ZNF423: variants seen among roughly 807,000 people sequenced by gnomAD.
ZNF423 encodes zinc finger protein 423.
Under a neutral mutation model 95.8 loss-of-function variants are expected in ZNF423, and 12 were observed. The ratio of observed to expected loss-of-function variants is 0.13; its 90% confidence interval spans 0.08 to 0.20. The LOEUF (loss-of-function observed/expected upper bound fraction) is 0.20, where lower values mean the gene tolerates loss of function less well. Among genes scored for constraint, ZNF423 ranks in the 10% least tolerant of loss-of-function variants. ZNF423 has a pLI of 1.00. For missense variants in ZNF423, 1,316 were observed against 1,737.1 expected (o/e 0.76, Z 4.31); for synonymous variants, 749 against 711.9 (o/e 1.05, Z -0.83).
intron 7 of ZNF423, among the ~76,000 whole-genome samples, chr16:49,520,487 A>C (rs767083948): frequency 1.3e-5 from 2 of 152,204 alleles, no homozygotes; most frequent in Non-Finnish European, 2.9e-5. Context: ...TCTACCTCCT[A>C]AACTTCTATT....
At chr16:49,829,746 G>A (rs1054119389) in intron 1 of ZNF423, among the ~76,000 whole-genome samples, 1 of 152,162 alleles carries the variant, frequency 6.6e-6, no homozygotes, top group Non-Finnish European at 1.5e-5. Context: ...TCAGCTCCAT[G>A]GGCTCATGGA....
At chr16:49,620,163 CACACACACACA>C (rs972530322) in intron 5 of ZNF423, among the ~76,000 whole-genome samples, 37 of 140,532 alleles carry the variant, frequency 2.6e-4, no homozygotes, top group Non-Finnish European at 4.3e-4. Flanking sequence ...ACACACACAC[CACACACACACA>C]ACACACACAT....
chr16:49,674,568 C>T (rs1250556190), intron 3 of ZNF423, among the ~76,000 whole-genome samples: 1 of 152,162 alleles, frequency 6.6e-6, no homozygotes, highest in Admixed American at 6.5e-5. Flanking sequence ...CCCCCTGCAC[C>T]ACCAGGCGGA....
At chr16:49,641,241 A>G (rs1972965781) in intron 3 of ZNF423, among the ~76,000 whole-genome samples, 1 of 152,216 alleles carries the variant, frequency 6.6e-6, no homozygotes, top group African/African-American at 2.4e-5. Context: ...AGGACTGTCC[A>G]CATTCAGGCC....
At chr16:49,572,372 A>G (rs1390971982) in intron 5 of ZNF423, among the ~76,000 whole-genome samples, 3 of 152,208 alleles carry the variant, frequency 2.0e-5, no homozygotes, top group African/African-American at 7.2e-5. Flanking sequence ...AGTGAGGCAC[A>G]TGAGGTGAAG....
chr16:49,824,164 A>G (rs1024157592), intron 1 of ZNF423, among the ~76,000 whole-genome samples: 1 of 152,164 alleles, frequency 6.6e-6, no homozygotes, highest in Non-Finnish European at 1.5e-5. Flanking sequence ...GAATGTCCCA[A>G]AATAAATTAT....
At chr16:49,809,368 T>A (rs2034715745) in intron 1 of ZNF423, among the ~76,000 whole-genome samples, 1 of 152,128 alleles carries the variant, frequency 6.6e-6, no homozygotes, top group South Asian at 2.1e-4. Context: ...TAGGCTGCAG[T>A]GGTCCCATGC....
At chr16:49,602,217 C>T (rs543415545) in intron 5 of ZNF423, among the ~76,000 whole-genome samples, 9 of 152,364 alleles carry the variant, frequency 5.9e-5, no homozygotes, top group African/African-American at 2.2e-4. Context: ...CCAGGAAGGC[C>T]TCCTGACTTC....
At chr16:49,745,522 G>A (rs776262212) in intron 2 of ZNF423, among the ~76,000 whole-genome samples, 11 of 152,184 alleles carry the variant, frequency 7.2e-5, no homozygotes, top group Non-Finnish European at 1.5e-4. Context: ...CCTCATCAAG[G>A]GTCAAATTAA....
intron 1 of ZNF423, among the ~76,000 whole-genome samples, chr16:49,837,946 C>G (rs904101174): frequency 6.6e-6 from 1 of 152,198 alleles, no homozygotes; most frequent in Admixed American, 6.5e-5. Flanking sequence ...AATTACAATC[C>G]GGGGAGCTGC....
intron 5 of ZNF423, among the ~76,000 whole-genome samples, chr16:49,532,928 G>A (rs372643629): frequency 4.6e-5 from 7 of 152,192 alleles, no homozygotes; most frequent in Admixed American, 6.5e-5. Flanking sequence ...CCCATGGCAG[G>A]AGAAAGGGGG....
chr16:49,607,167 T>C (rs2151839037), intron 5 of ZNF423, among the ~76,000 whole-genome samples: 1 of 151,776 alleles, frequency 6.6e-6, no homozygotes, highest in South Asian at 2.1e-4. Flanking sequence ...TTGTTTTTCC[T>C]TTAAGGAAGC....
At chr16:49,522,771 G>A (rs934370215) in intron 7 of ZNF423, among the ~76,000 whole-genome samples, 10 of 152,134 alleles carry the variant, frequency 6.6e-5, no homozygotes, top group South Asian at 2.1e-4. Context: ...AACTGTGTGC[G>A]TGCACCTTCC....
At position 49,490,521 on chromosome 16, in the gene ZNF423, A is replaced by AC. The variant is rs1322165600; in HGVS notation, c.*753_*754insG. 3 of 152,482 alleles carry AC rather than the reference A, an allele frequency of 2.0e-5. No individual in the cohort carries two copies. The highest frequency in any genetic ancestry group is 1.3e-4 in the Admixed American group (2 of 15,288). 9.4% of individuals were successfully genotyped at this position (152,482 alleles called of 1,614,324 possible). On this transcript the variant is annotated 3_prime_UTR_variant, in exon 8 of 8. Transcript: ENST00000563137. ...CCAAGGGCGTGTGCAAGCCCACAGG[A>AC]ACTTGTAGGGGAACACACCTTACAG...
At position 49,603,385 on chromosome 16, in the gene ZNF423, G is replaced by A. The variant is rs1313602476; in HGVS notation, c.3601+22785C>T. On this transcript the variant is annotated intron_variant, in intron 5 of 7. Transcript: ENST00000563137. The surrounding 1 kb of genome is among the most constrained non-coding windows in gnomAD (Gnocchi z 4.1). Reference sequence around the variant, plus strand: ...CTGAATTTAGAAAAGCCCAGCATATGGTTTTATACCCTACTGTCACTGTCT... The same window carrying A: ...CTGAATTTAGAAAAGCCCAGCATATAGTTTTATACCCTACTGTCACTGTCT... 6.6e-6 allele frequency among the ~76,000 whole-genome samples: 1 copy of A among 152,120 alleles called. No individual in the cohort carries two copies. The highest frequency in any genetic ancestry group is 2.4e-5 in the African/African-American group (1 of 41,416).
At chr16:49,554,560 A>G (rs1249704474) in intron 5 of ZNF423, among the ~76,000 whole-genome samples, 1 of 151,910 alleles carries the variant, frequency 6.6e-6, no homozygotes, top group Non-Finnish European at 1.5e-5. Flanking sequence ...TGTTCTGAAA[A>G]TGCCAACTCA....
At chr16:49,733,736 G>A (rs1174617385) in intron 2 of ZNF423, among the ~76,000 whole-genome samples, 1 of 152,110 alleles carries the variant, frequency 6.6e-6, no homozygotes, top group East Asian at 1.9e-4. Flanking sequence ...GGTGACACAA[G>A]ACAGGGAAGA....
intron 2 of ZNF423, among the ~76,000 whole-genome samples, chr16:49,756,493 C>T (rs1297327308): frequency 6.6e-6 from 1 of 152,210 alleles, no homozygotes; most frequent in African/African-American, 2.4e-5. Context: ...TTGGACCCCT[C>T]CCCGGAGTTC....
chr16:49,807,091 A>T (rs1172558964), intron 1 of ZNF423, among the ~76,000 whole-genome samples: 4 of 151,816 alleles, frequency 2.6e-5, no homozygotes, highest in Non-Finnish European at 5.9e-5. Flanking sequence ...CATACACTAC[A>T]GCAGTACTAA....
Sources: allele counts gnomAD v4.1 joint callset (sites outside exome capture counted in the v4.1 genomes callset), GRCh38; gene constraint gnomAD v4.1.1; non-coding constraint Gnocchi (gnomAD v3.1); transcripts MANE v1.5; gene names NCBI Gene and HGNC (gene_info 2026-07-23, HGNC 2026-07-21).